Variants in DCDC2 observed in about 807,000 individuals in gnomAD.
DCDC2 encodes doublecortin domain-containing protein 2.
DCDC2 carries 40 observed loss-of-function variants against 50.2 expected under a neutral mutation model. The ratio of observed to expected loss-of-function variants is 0.80; its 90% CI spans 0.62 to 1.04. The LOEUF is 1.04. Ranked by LOEUF, DCDC2 falls within the 50% of genes least tolerant of loss-of-function variation. DCDC2 has a pLI of 0.00. For missense variants in DCDC2, 570 were observed against 581.9 expected, an observed-to-expected ratio of 0.98 and a Z score of 0.21; for synonymous variants, 234 against 210.6, an observed-to-expected ratio of 1.11 and a Z score of -0.96.
intron 7 of DCDC2, among the ~76,000 whole-genome samples, chr6:24,267,150 A>C (rs1411715750): frequency 6.6e-6 from 1 of 152,224 alleles, no homozygotes; most frequent in Non-Finnish European, 1.5e-5. Flanking sequence ...TGGTGACCAG[A>C]GGCTGGGAAG....
At chr6:24,366,272 T>C in the DCDC2 span, among the ~76,000 whole-genome samples, 1 of 152,200 alleles carries the variant, frequency 6.6e-6, no homozygotes, top group East Asian at 1.9e-4. Context: ...AAAACCATAG[T>C]TGTTTATCTT....
chr6:24,284,530 G>A (rs1763550811), intron 6 of DCDC2, among the ~76,000 whole-genome samples: 1 of 150,524 alleles, frequency 6.6e-6, no homozygotes, highest in African/African-American at 2.4e-5. Context: ...GGAATTGCTT[G>A]AACCCGTGGG....
chr6:24,189,307 T>A (rs1446996681), intron 8 of DCDC2, among the ~76,000 whole-genome samples: 1 of 152,292 alleles, frequency 6.6e-6, no homozygotes, highest in Non-Finnish European at 1.5e-5. Flanking sequence ...ATGCAGTTAC[T>A]AAGGTTAACT....
chr6:24,334,728 C>T (rs1760025386), intron 2 of DCDC2, among the ~76,000 whole-genome samples: 1 of 152,208 alleles, frequency 6.6e-6, no homozygotes, highest in South Asian at 2.1e-4. Flanking sequence ...AACACACTCC[C>T]TTCAACGAGG....
At chr6:24,376,477 C>T in the DCDC2 span, among the ~76,000 whole-genome samples, 15,238 of 152,050 alleles carry the variant, frequency 0.1, 1,291 homozygotes, top group East Asian at 0.39. Flanking sequence ...GCAGTAGAGG[C>T]AGAAGCAGGA....
intron 2 of DCDC2, among the ~76,000 whole-genome samples, chr6:24,348,683 G>C (rs1050082154): frequency 1.3e-5 from 2 of 152,016 alleles, no homozygotes; most frequent in Non-Finnish European, 2.9e-5. Flanking sequence ...AGAGAAGCAG[G>C]CTAAAAAACA....
In DCDC2 at chr6:24,271,215, A is replaced by AAAAAAAAG. The variant is rs1450164692; in HGVS notation, c.922+6833_922+6834insCTTTTTTT. Among the ~76,000 whole-genome samples the AAAAAAAAG allele has an allele frequency of 6.0e-5, 9 of 149,192 alleles. 2 individuals carry two copies. Among genetic ancestry groups the AAAAAAAAG allele is most frequent in the African/African-American group, 2.2e-4 (9 of 40,524 alleles). ...AGAGTGAGACACTCCCTCAAAAAAA[A>AAAAAAAAG]AAAAAAAAAAGAGAGAGAGAGAGAG... is the stretch of plus-strand genomic sequence containing the variant. On this transcript the variant is annotated intron_variant, in intron 7 of 9. Transcript: ENST00000378454.
chr6:24,369,633 T>C, the DCDC2 span, among the ~76,000 whole-genome samples: 1 of 150,106 alleles, frequency 6.7e-6, no homozygotes, highest in African/African-American at 2.4e-5. Flanking sequence ...ACATACTGAG[T>C]GTAACGGCCA....
intron 7 of DCDC2, among the ~76,000 whole-genome samples, chr6:24,239,516 G>T (rs1209488655): frequency 2.6e-5 from 4 of 152,184 alleles, no homozygotes; most frequent in Admixed American, 6.5e-5. Context: ...GTAACACCGA[G>T]GCAGGCATGT....
At chr6:24,311,691 C>T (rs1414149558) in intron 2 of DCDC2, among the ~76,000 whole-genome samples, 1 of 152,118 alleles carries the variant, frequency 6.6e-6, no homozygotes, top group Non-Finnish European at 1.5e-5. Context: ...AAAAGATGAG[C>T]CTCCCCATCT....
At chr6:24,224,661 C>T (rs1762190976) in intron 7 of DCDC2, among the ~76,000 whole-genome samples, 2 of 152,102 alleles carry the variant, frequency 1.3e-5, no homozygotes, top group African/African-American at 4.8e-5. Flanking sequence ...TGAGAGGGAA[C>T]CACTATGGAA....
At chr6:24,326,112 A>G (rs1269264948) in intron 2 of DCDC2, among the ~76,000 whole-genome samples, 5 of 147,564 alleles carry the variant, frequency 3.4e-5, no homozygotes, top group African/African-American at 1.2e-4. Flanking sequence ...AAAAAGAGAG[A>G]AAGACAGGGA....
chr6:24,181,166 G>A (rs1761063221), intron 8 of DCDC2, among the ~76,000 whole-genome samples: 1 of 152,174 alleles, frequency 6.6e-6, no homozygotes, highest in Non-Finnish European at 1.5e-5. Flanking sequence ...CCTCACAAAG[G>A]CAGAATGATG....
At chr6:24,323,668 CCT>C (rs1759810140) in intron 2 of DCDC2, among the ~76,000 whole-genome samples, 2 of 152,004 alleles carry the variant, frequency 1.3e-5, no homozygotes, top group South Asian at 2.1e-4. Flanking sequence ...CATCTCTCTC[CCT>C]GTCTTCTCCC....
chr6:24,321,625 C>T (rs1327029297), intron 2 of DCDC2, among the ~76,000 whole-genome samples: 1 of 152,194 alleles, frequency 6.6e-6, no homozygotes, highest in Non-Finnish European at 1.5e-5. Context: ...TTAAACACTA[C>T]TTAGGCCTTT....
chr6:24,231,078 C>T (rs1762328388), intron 7 of DCDC2, among the ~76,000 whole-genome samples: 1 of 152,224 alleles, frequency 6.6e-6, no homozygotes, highest in Non-Finnish European at 1.5e-5. Flanking sequence ...CATGGCCTGC[C>T]TTCCATCCAG....
chr6:24,296,939 T>G (rs1397201298), intron 4 of DCDC2, among the ~76,000 whole-genome samples: 1 of 152,220 alleles, frequency 6.6e-6, no homozygotes, highest in African/African-American at 2.4e-5. Context: ...AACTACCGTT[T>G]GACCCAGCAA....
chr6:24,337,933 T>G (rs1325801940), intron 2 of DCDC2, among the ~76,000 whole-genome samples: 1 of 152,194 alleles, frequency 6.6e-6, no homozygotes, highest in African/African-American at 2.4e-5. Flanking sequence ...TAAAAAATTT[T>G]AAAACCCTTC....
intron 2 of DCDC2, among the ~76,000 whole-genome samples, chr6:24,351,488 T>G (rs1005146347): frequency 1.3e-5 from 2 of 152,196 alleles, no homozygotes; most frequent in African/African-American, 4.8e-5. Context: ...CAATTTCTTC[T>G]ACTTCTCTCT....
Sources: gnomAD v4.1 joint callset for allele counts (sites outside exome capture counted in the v4.1 genomes callset) on GRCh38, gnomAD v4.1.1 for gene constraint, MANE v1.5 for transcripts, NCBI Gene and HGNC (gene_info 2026-07-23, HGNC 2026-07-21) for gene names.